The following TTC7B variants were observed in gnomAD, a reference collection of about 807,000 sequenced individuals.
TTC7B encodes the protein tetratricopeptide repeat domain 7B.
Under a neutral mutation model 106.8 loss-of-function variants are expected in TTC7B, and 28 were observed. The ratio of observed to expected loss-of-function variants is 0.26; its 90% CI spans 0.19 to 0.36. The LOEUF is 0.36. TTC7B is among the 10% of genes least tolerant of loss of function. TTC7B has a pLI of 1.00. For missense variants in TTC7B, 862 were observed against 1,076.4 expected (o/e 0.80, Z 2.79); for synonymous variants, 405 against 430.6 (o/e 0.94, Z 0.74).
At chr14:90,782,563 C>A (rs1236742680) in intron 2 of TTC7B, among the ~76,000 whole-genome samples, 2 of 152,164 alleles carry the variant, frequency 1.3e-5, no homozygotes, top group African/African-American at 4.8e-5. Context: ...CACGCCATTG[C>A]ACTCCAGCCT....
At chr14:90,715,204 A>C (rs55872939) in intron 5 of TTC7B, among the ~76,000 whole-genome samples, 16,850 of 152,266 alleles carry the variant, frequency 0.11, 1,022 homozygotes, top group Admixed American at 0.18. Context: ...ATAATATGCC[A>C]GCTGTGAAGC....
chr14:90,690,405 T>C (rs1887424970), intron 6 of TTC7B, among the ~76,000 whole-genome samples: 1 of 152,204 alleles, frequency 6.6e-6, no homozygotes, highest in African/African-American at 2.4e-5. Context: ...AACATCTGGA[T>C]CCTGTCCTCC....
At chr14:90,695,609 T>C (rs766956679) in intron 5 of TTC7B, 31 bp from the exon 6 acceptor site, 8 of 1,446,964 alleles carry the variant, frequency 5.5e-6, no homozygotes, top group Non-Finnish European at 2.9e-6. Flanking sequence ...ACGGTTTTCA[T>C]CTGGCATGTA....
At chr14:90,786,003 C>T (rs1891373842) in intron 2 of TTC7B, among the ~76,000 whole-genome samples, 171 bp downstream of exon 2, 1 of 152,212 alleles carries the variant, frequency 6.6e-6, no homozygotes, top group Non-Finnish European at 1.5e-5. Context: ...AGTGGTCAGC[C>T]AGCCTAGAGA....
chr14:90,545,266 CCCA>C (rs1192977417), intron 19 of TTC7B, among the ~76,000 whole-genome samples: 1 of 152,152 alleles, frequency 6.6e-6, no homozygotes, highest in African/African-American at 2.4e-5. Flanking sequence ...CAATGCGGGC[CCCA>C]GGGCACTCAG....
intron 5 of TTC7B, among the ~76,000 whole-genome samples, chr14:90,708,100 C>G (rs893065662): frequency 1.5e-5 from 2 of 135,370 alleles, no homozygotes; most frequent in Admixed American, 8.2e-5. Context: ...GAGCCAAGGT[C>G]ACACCACTGC....
At chr14:90,572,409 G>T (rs1191768522) in intron 19 of TTC7B, among the ~76,000 whole-genome samples, 1 of 152,094 alleles carries the variant, frequency 6.6e-6, no homozygotes, top group Admixed American at 6.5e-5. Flanking sequence ...CACATCGTGG[G>T]GCCATCTCCC....
At chr14:90,747,290 G>T (rs1889997409) in intron 3 of TTC7B, among the ~76,000 whole-genome samples, 1 of 152,196 alleles carries the variant, frequency 6.6e-6, no homozygotes, top group Non-Finnish European at 1.5e-5. Context: ...ACTGTCTATA[G>T]GACTCGACTG....
chr14:90,647,793 A>G (rs1057283558), intron 13 of TTC7B, among the ~76,000 whole-genome samples: 4 of 152,160 alleles, frequency 2.6e-5, no homozygotes, highest in Admixed American at 1.3e-4. Flanking sequence ...TACTAGACAT[A>G]ATTCTGTGTT....
intron 3 of TTC7B, among the ~76,000 whole-genome samples, chr14:90,780,036 G>C (rs1296981473): frequency 6.6e-6 from 1 of 152,188 alleles, no homozygotes; most frequent in Non-Finnish European, 1.5e-5. Flanking sequence ...TGCTGTGCAG[G>C]ATTTTAATTA....
intron 15 of TTC7B, among the ~76,000 whole-genome samples, chr14:90,631,883 T>C (rs1195075491): frequency 6.6e-6 from 1 of 152,236 alleles, no homozygotes; most frequent in Non-Finnish European, 1.5e-5. Flanking sequence ...TAGAGACTCT[T>C]TTCATGTGCT....
At chr14:90,631,536 G>A (rs1369690423) in intron 15 of TTC7B, among the ~76,000 whole-genome samples, 1 of 151,576 alleles carries the variant, frequency 6.6e-6, no homozygotes, top group African/African-American at 2.4e-5. Context: ...AGCCACCCGA[G>A]AAGCTGAGAC....
chr14:90,807,780 T>C lies in TTC7B; in HGVS notation c.121+8395A>G, dbSNP rs2030692461. On this transcript the variant is annotated intron_variant, in intron 1 of 19. Coordinates refer to ENST00000328459, the MANE Select transcript of TTC7B (RefSeq NM_001010854.2). This position sits in a 1 kb window ranked among gnomAD's most constrained non-coding sequence, Gnocchi z 4.1. ...CACCCTCAGCCAAGATGTCTGGTAA[T>C]CTATAAACTACACTTAGTTTAGTAT... is the stretch of plus-strand genomic sequence containing the variant. Among the ~76,000 whole-genome samples, 1 of 152,232 alleles carries C rather than the reference T, an allele frequency of 6.6e-6. No individual in the cohort carries two copies. The highest frequency in any genetic ancestry group is 2.4e-5 in the African/African-American group (1 of 41,460).
intron 3 of TTC7B, among the ~76,000 whole-genome samples, chr14:90,775,617 T>A (rs1891001765): frequency 6.6e-6 from 1 of 152,054 alleles, no homozygotes; most frequent in South Asian, 2.1e-4. Flanking sequence ...GCCCAGCTCC[T>A]CCACCTGGGC....
rs1422988967 is a variant in TTC7B at position 90,804,934 on chromosome 14, C to G, written c.121+11241G>C. Among the ~76,000 whole-genome samples, 4 of 152,308 alleles carry G rather than the reference C, an allele frequency of 2.6e-5. No homozygotes were observed. The South Asian group carries it at 6.2e-4, about 24-fold the overall frequency. ...CTGAACCCCTCTCTGGGGAAGGCTGCTCAGCAAGTGTCCACCATGCAGGTC... is the reference window on the plus strand; with the variant it reads ...CTGAACCCCTCTCTGGGGAAGGCTGGTCAGCAAGTGTCCACCATGCAGGTC... On this transcript the variant is annotated intron_variant, in intron 1 of 19. Transcript: ENST00000328459.
intron 5 of TTC7B, chr14:90,699,261 AG>A (rs1355799266): frequency 2.2e-6 from 1 of 450,574 alleles, no homozygotes; most frequent in South Asian, 1.6e-5. Context: ...AATGGGAAGA[AG>A]GCCAGAGCTC....
In TTC7B at chr14:90,553,947, T is replaced by C. The variant is rs540822718; in HGVS notation, c.2311-12358A>G. Among the ~76,000 whole-genome samples, 4 of 152,368 alleles carry C rather than the reference T, an allele frequency of 2.6e-5. No homozygotes were observed. The East Asian group carries it at 7.7e-4, about 29-fold the overall frequency. ...ATGATCTGGAATATTCTGGAGGAGC[T>C]TATTCTGCAATTAGCAGTGCAGAGT... is the stretch of plus-strand genomic sequence containing the variant. On this transcript the variant is annotated intron_variant, in intron 19 of 19. Transcript: ENST00000328459.
intron 17 of TTC7B, among the ~76,000 whole-genome samples, chr14:90,605,281 T>C (rs1430597401): frequency 6.6e-6 from 1 of 150,978 alleles, no homozygotes; most frequent in Non-Finnish European, 1.5e-5. Context: ...TTTAATAGGA[T>C]TTTTATGCAT....
In TTC7B at chr14:90,525,749, G is replaced by A. The variant is rs1027065876; in HGVS notation, c.*15619C>T. On this transcript the variant is annotated 3_prime_UTR_variant, in exon 20 of 20. Transcript: ENST00000328459. ...CGGTGGAGCCCGAATAATACAATAA[G>A]AATAAAACCCAACGACAAAGGCCCT... The A allele has an allele frequency of 1.3e-5, 2 of 148,394 alleles. No individual in the cohort carries two copies. Among genetic ancestry groups the A allele is most frequent in the African/African-American group, 2.5e-5 (1 of 40,148 alleles). The allele number at this position is 148,394 out of a possible 1,614,324, so 9.2% of individuals were successfully genotyped here. A position where few individuals can be genotyped will look rare whatever the true frequency, so the allele number is the denominator to read the frequency against.
Sources: gnomAD v4.1 joint callset for allele counts (sites outside exome capture counted in the v4.1 genomes callset) on GRCh38, gnomAD v4.1.1 for gene constraint, Gnocchi (gnomAD v3.1) non-coding constraint, MANE v1.5 for transcripts, NCBI Gene and HGNC (gene_info 2026-07-23, HGNC 2026-07-21) for gene names.